CYP2B6: variants seen among roughly 807,000 people sequenced by gnomAD.
CYP2B6 encodes cytochrome P450 2B6.
Under a neutral mutation model 43.4 loss-of-function variants are expected in CYP2B6, and 35 were observed. The observed-to-expected ratio is 0.81, with a 90% CI of 0.62 to 1.07. CYP2B6 has a LOEUF of 1.07. CYP2B6 is among the 50% of genes least tolerant of loss of function. The pLI is 0.00. For synonymous variants in CYP2B6, 239 were observed against 239.2 expected, an observed-to-expected ratio of 1.00 and a Z score of 0.01; for missense variants, 624 against 632.8, an observed-to-expected ratio of 0.99 and a Z score of 0.15.
At chr19:41,007,815 G>A (rs1243680645) in intron 4 of CYP2B6, among the ~76,000 whole-genome samples, 6 of 151,914 alleles carry the variant, frequency 3.9e-5, no homozygotes, top group Non-Finnish European at 8.8e-5. Context: ...TAGTAGAGAC[G>A]GGGTTTCGCC....
At position 41,012,329 on chromosome 19, in the gene CYP2B6, T is replaced by C. The variant is rs745350117; in HGVS notation, c.996T>C (p.Ile332=). The change falls in exon 7 of 9, where the codon ATT becomes ATC. Residue 332 remains isoleucine (I), a synonymous_variant. Coordinates refer to ENST00000324071, the MANE Select transcript of CYP2B6 (RefSeq NM_000767.5). ...TCTACAGGGAGATTGAACAGGTGAT[T>C]GGCCCACATCGCCCTCCAGAGCTTC... ...ERVYREIEQV[I]GPHRPPELHD... The C allele has an allele frequency of 3.1e-6, 5 of 1,614,008 alleles. No individual in the cohort carries two copies. Among genetic ancestry groups the C allele is most frequent in the Admixed American group, 1.7e-5 (1 of 59,992 alleles).
At chr19:40,994,111 C>A (rs1459479274) in intron 1 of CYP2B6, among the ~76,000 whole-genome samples, 2 of 152,068 alleles carry the variant, frequency 1.3e-5, no homozygotes, top group Non-Finnish European at 2.9e-5. Flanking sequence ...CAACTGGAAC[C>A]TTTTCTGAAC....
At chr19:41,004,528 G>T (rs1432307410) in intron 3 of CYP2B6, 82 bp downstream of exon 3, 3 of 1,504,018 alleles carry the variant, frequency 2.0e-6, no homozygotes, top group Non-Finnish European at 2.7e-6. Context: ...AGACAGAGAG[G>T]TATATAAGGG....
At chr19:41,015,805 C>CA (rs1363002346) in intron 8 of CYP2B6, among the ~76,000 whole-genome samples, 2 of 148,404 alleles carry the variant, frequency 1.3e-5, no homozygotes, top group South Asian at 2.2e-4. Flanking sequence ...CACACATACC[C>CA]CAGAAACAAA....
chr19:41,010,843 G>T (rs1208223753), intron 6 of CYP2B6, among the ~76,000 whole-genome samples: 2 of 151,862 alleles, frequency 1.3e-5, no homozygotes, highest in African/African-American at 4.8e-5. Context: ...CTCTCTCTGT[G>T]TCCATGTGTA....
chr19:40,993,258 G>A (rs1968949029), intron 1 of CYP2B6, among the ~76,000 whole-genome samples: 1 of 152,082 alleles, frequency 6.6e-6, no homozygotes, highest in East Asian at 1.9e-4. Flanking sequence ...GGCTTGCTGT[G>A]TTAGTCCATT....
chr19:41,010,814 T>G (rs937449797), intron 6 of CYP2B6, among the ~76,000 whole-genome samples: 19 of 152,234 alleles, frequency 1.2e-4, no homozygotes, highest in Admixed American at 1.2e-3. Flanking sequence ...CTCTTCTGAG[T>G]CTTCACTGTG....
At chr19:40,992,120 T>C (rs1225359234) in intron 1 of CYP2B6, among the ~76,000 whole-genome samples, 3 of 149,120 alleles carry the variant, frequency 2.0e-5, no homozygotes, top group African/African-American at 7.6e-5. Context: ...GAGAATCACT[T>C]GAATCCAGGA....
chr19:41,004,591 C>A (rs1258667242), intron 3 of CYP2B6, 145 bp downstream of exon 3: 47 of 939,626 alleles, frequency 5.0e-5, no homozygotes, highest in Non-Finnish European at 1.7e-6. Context: ...GGGATAGAGA[C>A]AGAGAGGGAG....
intron 3 of CYP2B6, 51 bp downstream of exon 3, chr19:41,004,497 T>TG: frequency 1.9e-6 from 3 of 1,598,996 alleles, no homozygotes; most frequent in Non-Finnish European, 2.6e-6. Context: ...CACTGAGAGA[T>TG]GCAGGTGCAC....
chr19:40,993,329 T>A (rs1245819547), intron 1 of CYP2B6, among the ~76,000 whole-genome samples: 1 of 152,132 alleles, frequency 6.6e-6, no homozygotes, highest in Non-Finnish European at 1.5e-5. Flanking sequence ...GGGATGTAAC[T>A]GACTCACAGT....
intron 5 of CYP2B6, 53 bp from the exon 6 acceptor site, chr19:41,009,941 G>A (rs1000201388): frequency 3.0e-5 from 49 of 1,611,292 alleles, no homozygotes; most frequent in Non-Finnish European, 4.1e-5. Flanking sequence ...CGTATACACA[G>A]CAAGGCTACA....
rs558770151 is a variant in CYP2B6 at position 40,996,737 on chromosome 19, C to T, written c.171+5261C>T. Among the ~76,000 whole-genome samples the T allele has an allele frequency of 7.2e-5, 11 of 152,182 alleles. No individual in the cohort carries two copies. In the East Asian group the frequency reaches 2.1e-3, roughly 29 times the overall value. On this transcript the variant is annotated intron_variant, in intron 1 of 8. Transcript: ENST00000324071. The stretch of plus-strand genomic sequence containing the variant: ...GGAAATTTTAAGAACTCAGGAAGGA[C>T]CAGGCGGCCATCTAGGGTCTCCATG...
rs3211371 is a variant in CYP2B6 at position 41,016,810 on chromosome 19, C to A, written c.1459C>A (p.Arg487Ser). 7.1e-5 allele frequency: 115 copies of A among 1,613,602 alleles called. No homozygotes were observed. In the African/African-American group the frequency reaches 1.4e-3, roughly 20 times the overall value. ...CAAAATACCCCCAACATACCAGATC[C>A]GCTTCCTGCCCCGCTGAAGGGGCTG... ...VGKIPPTYQIRFLPR is the reference protein window; with the variant it reads ...VGKIPPTYQISFLPR The change falls in exon 9 of 9, where the codon CGC becomes AGC. Residue 487 changes from arginine to serine, a missense_variant. Arg to Ser is a moderately radical substitution (Grantham distance 110). Transcript: ENST00000324071.
At chr19:41,004,666 G>A (rs1231324328) in intron 3 of CYP2B6, among the ~76,000 whole-genome samples, 1 of 151,974 alleles carries the variant, frequency 6.6e-6, no homozygotes, top group Admixed American at 6.6e-5. Flanking sequence ...CAGGGAAAGA[G>A]AGAGATGCCA....
chr19:40,999,580 T>A (rs1480473594), intron 1 of CYP2B6, among the ~76,000 whole-genome samples: 1 of 152,184 alleles, frequency 6.6e-6, no homozygotes, highest in Admixed American at 6.5e-5. Context: ...CTTTAATCCA[T>A]CTTGAATTGA....
At chr19:41,015,467 C>A (rs193152757) in intron 8 of CYP2B6, among the ~76,000 whole-genome samples, 88 of 152,330 alleles carry the variant, frequency 5.8e-4, no homozygotes, top group African/African-American at 2.1e-3. Context: ...AAAACTCACA[C>A]TTGACATGGC....
rs1025515714 is a variant in CYP2B6 at position 41,015,273 on chromosome 19, C to A, written c.1295-1373C>A. ...GCGTGATGAGAGGGAGATAATAAGC[C>A]TCAGGCTGTTGTGAAAAATGTTAGG... On this transcript the variant is annotated intron_variant, in intron 8 of 8. Coordinates refer to ENST00000324071, the MANE Select transcript of CYP2B6 (RefSeq NM_000767.5). Among the ~76,000 whole-genome samples the A allele has an allele frequency of 1.3e-3, 200 of 151,210 alleles. 1 individual carries two copies. The highest frequency in any genetic ancestry group is 4.1e-3 in the African/African-American group (168 of 41,030).
chr19:41,015,841 C>T (rs3786551), intron 8 of CYP2B6, among the ~76,000 whole-genome samples: 1 of 139,792 alleles, frequency 7.2e-6, no homozygotes, highest in Non-Finnish European at 1.6e-5. Context: ...AAACCTTAAG[C>T]CTCCTTAGCA....
Sources: allele counts gnomAD v4.1 joint callset (sites outside exome capture counted in the v4.1 genomes callset), GRCh38; gene constraint gnomAD v4.1.1; transcripts MANE v1.5; gene names NCBI Gene and HGNC (gene_info 2026-07-23, HGNC 2026-07-21).